Variants in ATP6V0A2 observed in about 807,000 individuals in gnomAD.
ATP6V0A2 encodes the protein V-type proton ATPase 116 kDa subunit a 2.
In ATP6V0A2, 58 loss-of-function variants were observed where a neutral mutation model predicts 104.4. The ratio of observed to expected loss-of-function variants is 0.56; its 90% CI spans 0.45 to 0.69. The LOEUF (loss-of-function observed/expected upper bound fraction) is 0.69, where lower values mean the gene tolerates loss of function less well. Ranked by LOEUF, ATP6V0A2 falls within the 30% of genes least tolerant of loss-of-function variation. The pLI is 0.00. For synonymous variants in ATP6V0A2, 376 were observed against 397.9 expected (o/e 0.95, Z 0.65); for missense variants, 938 against 1,062.9 (o/e 0.88, Z 1.63).
chr12:123,738,259 G>A (rs1956575055), intron 9 of ATP6V0A2, among the ~76,000 whole-genome samples: 1 of 152,112 alleles, frequency 6.6e-6, no homozygotes, highest in South Asian at 2.1e-4. Context: ...AAAATTAGCT[G>A]GGCGGGGTGG....
intron 6 of ATP6V0A2, chr12:123,732,910 G>A (rs1329627570): frequency 6.6e-6 from 1 of 152,080 alleles, no homozygotes; most frequent in African/African-American, 2.4e-5. Context: ...CTTCACTGCT[G>A]TATCCCTAGC....
rs911881776 is a variant in ATP6V0A2, at chr12:123,744,627, A to G, written c.1357A>G (p.Ile453Val). ...IMRMFFNGRY[I>V]LLLMGLFSVY... ...GAGGATGTTTTTTAATGGCCGGTAC[A>G]TCCTCCTGCTGATGGGGCTGTTCTC... The change falls in exon 12 of 20, where the codon ATC (isoleucine) becomes GTC (valine). Residue 453 changes from isoleucine to valine, a missense_variant. Coordinates refer to ENST00000330342, the MANE Select transcript of ATP6V0A2 (RefSeq NM_012463.4). This position sits in a 1 kb window ranked among gnomAD's most constrained non-coding sequence, Gnocchi z 5.4. 1.9e-6 allele frequency: 3 copies of G among 1,613,462 alleles called. No homozygotes were observed. The Admixed American group carries it at 5.0e-5, about 27-fold the overall frequency.
At chr12:123,753,694 A>G (rs1463205118) in intron 17 of ATP6V0A2, among the ~76,000 whole-genome samples, 2 of 152,250 alleles carry the variant, frequency 1.3e-5, no homozygotes. Context: ...TGGACAGGGA[A>G]GTAGCGGCTC....
rs1221527571 is a variant in ATP6V0A2, at chr12:123,758,710, T to TG, written c.*682dup. Reference sequence around the variant, plus strand: ...TAATTTTTTTGTATTTTTGTAGAGATGGGGTTTCACCATGTTGGCCAGGCT... The same window carrying TG: ...TAATTTTTTTGTATTTTTGTAGAGATGGGGGTTTCACCATGTTGGCCAGGCT... On this transcript the variant is annotated 3_prime_UTR_variant, in exon 20 of 20. Transcript: ENST00000330342. The TG allele has an allele frequency of 2.0e-5, 3 of 152,000 alleles. No individual in the cohort carries two copies. The highest frequency in any genetic ancestry group is 1.9e-4 in the East Asian group (1 of 5,186). 9.4% of individuals were successfully genotyped at this position (152,000 alleles called of 1,614,324 possible).
rs2135914600 is a variant in ATP6V0A2 at position 123,748,693 on chromosome 12, G to A, written c.1843G>A (p.Glu615Lys). ...CTACAAGTGGCTGGTTTTTTCAGCA[G>A]AAACCTCCAGAGTTGCTCCCAGCAT... ...IFYKWLVFSA[E>K]TSRVAPSILI... Residue 615 changes from glutamate to lysine, a missense_variant, in exon 15 of 20, where the codon GAA becomes AAA. Glu to Lys is a moderately conservative substitution (Grantham distance 56). Coordinates refer to ENST00000330342, the MANE Select transcript of ATP6V0A2 (RefSeq NM_012463.4). 1.2e-6 allele frequency: 2 copies of A among 1,614,116 alleles called. No individual in the cohort carries two copies. Among genetic ancestry groups the A allele is most frequent in the Non-Finnish European group, 1.7e-6 (2 of 1,180,004 alleles).
At chr12:123,734,227 C>G (rs1956529687) in intron 7 of ATP6V0A2, among the ~76,000 whole-genome samples, 1 of 152,084 alleles carries the variant, frequency 6.6e-6, no homozygotes, top group Non-Finnish European at 1.5e-5. Context: ...AATAATATTC[C>G]CAGAATTGAC....
chr12:123,735,724 A>AC, intron 8 of ATP6V0A2, 100 bp downstream of exon 8: 1 of 1,018,784 alleles, frequency 9.8e-7, no homozygotes, highest in Non-Finnish European at 1.5e-6. Context: ...TTGGTCGTAG[A>AC]CAAATCAAGA....
chr12:123,726,097 A>G lies in ATP6V0A2; in HGVS notation c.433-100A>G. 5 of 843,228 alleles carry G rather than the reference A, an allele frequency of 5.9e-6. No homozygotes were observed. In the South Asian group the frequency reaches 6.9e-5, roughly 12 times the overall value. 52.2% of individuals were successfully genotyped at this position (843,228 alleles called of 1,614,324 possible). ...GAAGTCTTTGCACCCAGATCTAAGTAGTTAGTTAGGATGCCCTATAAACTT... is the reference window on the plus strand; with the variant it reads ...GAAGTCTTTGCACCCAGATCTAAGTGGTTAGTTAGGATGCCCTATAAACTT... On this transcript the variant is annotated intron_variant, in intron 4 of 19. Coordinates refer to ENST00000330342, the MANE Select transcript of ATP6V0A2 (RefSeq NM_012463.4).
intron 9 of ATP6V0A2, among the ~76,000 whole-genome samples, chr12:123,741,380 G>C (rs1956607410): frequency 6.6e-6 from 1 of 152,216 alleles, no homozygotes; most frequent in South Asian, 2.1e-4. Context: ...GAACCCCAGA[G>C]GCGGAGGTTT....
chr12:123,733,808 G>A, intron 6 of ATP6V0A2, 118 bp from the exon 7 acceptor site: 1 of 782,466 alleles, frequency 1.3e-6, no homozygotes, highest in Non-Finnish European at 2.3e-6. Context: ...CCTCAAATAA[G>A]GAGTATTGAC....
intron 13 of ATP6V0A2, among the ~76,000 whole-genome samples, chr12:123,746,235 G>C (rs1384598804): frequency 1.3e-5 from 2 of 151,908 alleles, no homozygotes; most frequent in African/African-American, 4.8e-5. Flanking sequence ...GTATGGTTTT[G>C]TCTTCTTTCT....
intron 2 of ATP6V0A2, among the ~76,000 whole-genome samples, chr12:123,722,027 A>G (rs1189106616): frequency 2.6e-5 from 4 of 152,236 alleles, no homozygotes. Flanking sequence ...TCACTAGAAT[A>G]TTAGAAATGA....
At chr12:123,743,999 A>G (rs1956635450) in intron 10 of ATP6V0A2, 64 bp downstream of exon 10, 1 of 1,600,504 alleles carries the variant, frequency 6.2e-7, no homozygotes, top group Non-Finnish European at 8.6e-7. Context: ...TGCTCTAAGA[A>G]TGGAATAGAT....
At chr12:123,757,071 C>A in intron 19 of ATP6V0A2, 85 bp downstream of exon 19, 2 of 1,419,692 alleles carry the variant, frequency 1.4e-6, no homozygotes, top group South Asian at 1.2e-5. Context: ...TATACACAGC[C>A]CCTGCAAAAT....
chr12:123,722,965 G>A (rs1956414471), intron 3 of ATP6V0A2, among the ~76,000 whole-genome samples: 2 of 152,142 alleles, frequency 1.3e-5, no homozygotes, highest in Non-Finnish European at 2.9e-5. Context: ...TGAGTTCCCT[G>A]GCTGGTGTGC....
chr12:123,720,447 A>G (rs1238728026), intron 2 of ATP6V0A2, among the ~76,000 whole-genome samples: 1 of 152,246 alleles, frequency 6.6e-6, no homozygotes, highest in East Asian at 1.9e-4. Context: ...CTATAATTCC[A>G]GCACTTTGGG....
chr12:123,744,285 C>T lies in ATP6V0A2; in HGVS notation c.1274C>T (p.Ala425Val). The change falls in exon 11 of 20, where the codon GCC becomes GTC. Residue 425 changes from alanine to valine, a missense_variant. Ala to Val is a moderately conservative substitution (Grantham distance 64). Coordinates refer to ENST00000330342, the MANE Select transcript of ATP6V0A2 (RefSeq NM_012463.4). The surrounding 1 kb of genome is among the most constrained non-coding windows in gnomAD (Gnocchi z 5.4). ...CATGGCTTTGTGATGTTTTTATTTG[C>T]CCTCTTGTTGGTGTTAAATGAAAAT... ...FGHGFVMFLF[A>V]LLLVLNENHP... 3 of 1,614,106 alleles carry T rather than the reference C, an allele frequency of 1.9e-6. No individual in the cohort carries two copies. Among genetic ancestry groups the T allele is most frequent in the Non-Finnish European group, 2.5e-6 (3 of 1,180,026 alleles).
chr12:123,747,810 A>T, intron 14 of ATP6V0A2, 85 bp downstream of exon 14: 1 of 860,256 alleles, frequency 1.2e-6, no homozygotes, highest in South Asian at 1.4e-5. Context: ...GACTGTATTT[A>T]TTGGGTAAGG....
At chr12:123,721,949 A>T (rs535851151) in intron 2 of ATP6V0A2, among the ~76,000 whole-genome samples, 2 of 152,314 alleles carry the variant, frequency 1.3e-5, no homozygotes, top group Non-Finnish European at 2.9e-5. Flanking sequence ...TAATTCCTGC[A>T]CTTCCAAGTG....
Sources: gnomAD v4.1 joint callset for allele counts (sites outside exome capture counted in the v4.1 genomes callset) on GRCh38, gnomAD v4.1.1 for gene constraint, Gnocchi (gnomAD v3.1) non-coding constraint, MANE v1.5 for transcripts, NCBI Gene and HGNC (gene_info 2026-07-23, HGNC 2026-07-21) for gene names.